RBFOX3: variants seen among roughly 807,000 people sequenced by gnomAD.
RBFOX3 encodes the protein RNA binding fox-1 homolog 3.
A neutral mutation model predicts 48.7 loss-of-function variants in RBFOX3; 17 were observed. The observed-to-expected ratio is 0.35, with a 90% confidence interval of 0.24 to 0.52. The LOEUF is 0.52. Among genes scored for constraint, RBFOX3 ranks in the 20% least tolerant of loss-of-function variants. The pLI is 0.94. For synonymous variants in RBFOX3, 212 were observed against 209.5 expected (o/e 1.01, Z -0.10); for missense variants, 382 against 497.5 (o/e 0.77, Z 2.21).
chr17:79,498,293 A>T (rs1415298395), intron 1 of RBFOX3, among the ~76,000 whole-genome samples: 1 of 152,156 alleles, frequency 6.6e-6, no homozygotes, highest in Admixed American at 6.5e-5. Context: ...CCAACAGAAG[A>T]ATTCTGGCTC....
chr17:79,350,283 CCTT>C (rs1209947640), intron 2 of RBFOX3, among the ~76,000 whole-genome samples: 21 of 152,162 alleles, frequency 1.4e-4, no homozygotes, highest in Non-Finnish European at 2.4e-4. Flanking sequence ...CTGCTGCTGT[CCTT>C]CCTCCTCTGA....
chr17:79,379,541 A>G (rs1423741492), intron 2 of RBFOX3, among the ~76,000 whole-genome samples: 3 of 152,168 alleles, frequency 2.0e-5, no homozygotes, highest in Admixed American at 6.5e-5. Flanking sequence ...AAACACCACT[A>G]TCATTTTAAC....
intron 2 of RBFOX3, among the ~76,000 whole-genome samples, chr17:79,379,984 C>T (rs564617497): frequency 3.5e-4 from 53 of 152,290 alleles, no homozygotes; most frequent in African/African-American, 1.1e-3. Flanking sequence ...CGCACATCCC[C>T]GGCTCTGCTG....
chr17:79,457,251 T>C (rs2074661808), intron 2 of RBFOX3, among the ~76,000 whole-genome samples: 1 of 152,194 alleles, frequency 6.6e-6, no homozygotes, highest in Admixed American at 6.5e-5. Context: ...CCTCATGGCA[T>C]GGCCTCGGGT....
intron 4 of RBFOX3, among the ~76,000 whole-genome samples, chr17:79,226,668 T>C (rs993550705): frequency 6.6e-6 from 1 of 152,194 alleles, no homozygotes; most frequent in African/African-American, 2.4e-5. Context: ...TTACTTAACC[T>C]TTCTGAGCCT....
chr17:79,106,899 G>A, intron 5 of RBFOX3, 111 bp from the exon 6 acceptor site: 1 of 1,347,262 alleles, frequency 7.4e-7, no homozygotes. Flanking sequence ...ACCCTTCTGG[G>A]CCTCTCCCCC....
At chr17:79,331,506 CCCCCCCTGG>C (rs2080290883) in intron 2 of RBFOX3, among the ~76,000 whole-genome samples, 1 of 152,124 alleles carries the variant, frequency 6.6e-6, no homozygotes, top group Non-Finnish European at 1.5e-5. Context: ...GAGGCCTCTG[CCCCCCCTGG>C]ACCCCTGGAG....
intron 4 of RBFOX3, among the ~76,000 whole-genome samples, chr17:79,202,315 C>A (rs981520912): frequency 6.6e-6 from 1 of 152,126 alleles, no homozygotes; most frequent in Admixed American, 6.5e-5. Context: ...CTGGGTAACT[C>A]TGGGGCTGTG....
intron 3 of RBFOX3, among the ~76,000 whole-genome samples, chr17:79,297,056 T>G (rs2074498071): frequency 6.6e-6 from 1 of 151,398 alleles, no homozygotes; most frequent in Non-Finnish European, 1.5e-5. Context: ...CCTCCTGATC[T>G]TGGCCAGTGT....
chr17:79,477,405 C>A lies in RBFOX3; in HGVS notation c.-175+5049G>T, dbSNP rs373894816. On this transcript the variant is annotated intron_variant, in intron 2 of 14. Transcript: ENST00000693108. This position sits in a 1 kb window ranked among gnomAD's most constrained non-coding sequence, Gnocchi z 4.8. Reference sequence around the variant, plus strand: ...CCCCGTCTCTACTAAAAATACAAAACATTAGCCAGACGTGGTGGCGGGCGC... The same window carrying A: ...CCCCGTCTCTACTAAAAATACAAAAAATTAGCCAGACGTGGTGGCGGGCGC... Among the ~76,000 whole-genome samples the A allele has an allele frequency of 1.6e-4, 24 of 148,430 alleles. No homozygotes were observed. The East Asian group carries it at 1.8e-3, about 11-fold the overall frequency.
intron 3 of RBFOX3, among the ~76,000 whole-genome samples, chr17:79,267,767 T>C (rs990559621): frequency 2.0e-5 from 3 of 152,100 alleles, no homozygotes; most frequent in African/African-American, 7.2e-5. Context: ...ACCATTCCTC[T>C]CAGGGAGAGA....
intron 4 of RBFOX3, among the ~76,000 whole-genome samples, chr17:79,175,778 G>T (rs1003044603): frequency 6.6e-6 from 1 of 152,246 alleles, no homozygotes; most frequent in African/African-American, 2.4e-5. Context: ...TGGATTGGTG[G>T]TGGGCAGCAG....
intron 2 of RBFOX3, among the ~76,000 whole-genome samples, chr17:79,323,636 G>T (rs768305600): frequency 6.6e-6 from 1 of 152,080 alleles, no homozygotes; most frequent in Non-Finnish European, 1.5e-5. Flanking sequence ...CTGCAGCGGG[G>T]GCTCGGTCCT....
intron 2 of RBFOX3, among the ~76,000 whole-genome samples, chr17:79,393,874 T>G (rs1190562626): frequency 6.7e-6 from 1 of 150,158 alleles, no homozygotes; most frequent in Non-Finnish European, 1.5e-5. Context: ...ATCACGCACA[T>G]CATCTGAGCC....
chr17:79,198,047 C>T lies in RBFOX3; in HGVS notation c.-34+37719G>A, dbSNP rs762553760. Among the ~76,000 whole-genome samples the T allele has an allele frequency of 8.0e-5, 12 of 150,340 alleles. No individual in the cohort carries two copies. The highest frequency in any genetic ancestry group is 2.0e-4 in the Admixed American group (3 of 15,094). ...AATCCATCCCGAGTGCCTCTGTCTG[C>T]GTCAGGAGAGTCGTGTGGGGTGGGC... is the stretch of plus-strand genomic sequence containing the variant. On this transcript the variant is annotated intron_variant, in intron 4 of 14. Transcript: ENST00000693108. The surrounding 1 kb of genome is among the most constrained non-coding windows in gnomAD (Gnocchi z 8.2).
intron 1 of RBFOX3, among the ~76,000 whole-genome samples, chr17:79,495,726 G>A (rs1568343695): frequency 1.3e-5 from 2 of 148,822 alleles, no homozygotes; most frequent in South Asian, 4.4e-4. Context: ...TGCAGATGGA[G>A]GGAGGTGGGG....
the RBFOX3 span, among the ~76,000 whole-genome samples, chr17:79,628,343 C>G: frequency 1.3e-5 from 2 of 152,174 alleles, no homozygotes; most frequent in African/African-American, 2.4e-5. Context: ...TCGTTTCCCC[C>G]TCGAAGACTC....
chr17:79,645,477 T>C, the RBFOX3 span, among the ~76,000 whole-genome samples: 1 of 152,216 alleles, frequency 6.6e-6, no homozygotes, highest in African/African-American at 2.4e-5. Flanking sequence ...TTCAAGATGA[T>C]GCTGAATGTC....
chr17:79,430,162 A>T (rs1390832869), intron 2 of RBFOX3, among the ~76,000 whole-genome samples: 1 of 152,206 alleles, frequency 6.6e-6, no homozygotes, highest in African/African-American at 2.4e-5. Flanking sequence ...AGACGACTTC[A>T]GAGAAAAGGT....
Sources: allele counts gnomAD v4.1 joint callset (sites outside exome capture counted in the v4.1 genomes callset), GRCh38; gene constraint gnomAD v4.1.1; non-coding constraint Gnocchi (gnomAD v3.1); transcripts MANE v1.5; gene names NCBI Gene and HGNC (gene_info 2026-07-23, HGNC 2026-07-21).